Variants in GBF1 observed in about 807,000 individuals in gnomAD.
GBF1 encodes golgi brefeldin A resistant guanine nucleotide exchange factor 1.
GBF1 carries 114 observed loss-of-function variants against 210.5 expected under a neutral mutation model. The observed-to-expected ratio is 0.54, with a 90% CI of 0.47 to 0.63. The LOEUF is 0.63. GBF1 is among the 30% of genes least tolerant of loss of function. GBF1 has a pLI of 0.00. For synonymous variants in GBF1, 850 were observed against 889.2 expected, an observed-to-expected ratio of 0.96 and a Z score of 0.78; for missense variants, 1,851 against 2,357.7, an observed-to-expected ratio of 0.79 and a Z score of 4.45.
intron 1 of GBF1, among the ~76,000 whole-genome samples, chr10:102,253,038 G>C (rs972383574): frequency 6.6e-6 from 1 of 151,988 alleles, no homozygotes; most frequent in African/African-American, 2.4e-5. Context: ...GGGATTACAG[G>C]CCCCTGCCAT....
chr10:102,310,082 G>A (rs552004947), intron 3 of GBF1, among the ~76,000 whole-genome samples: 137 of 152,296 alleles, frequency 9.0e-4, no homozygotes, highest in Non-Finnish European at 1.1e-3. Flanking sequence ...GGATAGTTAC[G>A]GTATTTAGGT....
chr10:102,309,572 C>T (rs929535309), intron 3 of GBF1, among the ~76,000 whole-genome samples: 6 of 152,124 alleles, frequency 3.9e-5, no homozygotes, highest in Non-Finnish European at 2.9e-5. Flanking sequence ...TCACTGTTCT[C>T]ATTTGTAAGT....
Position 102,375,400 on chromosome 10 carries a change from T to A in GBF1, c.3702T>A (p.Ser1234Arg). Residue 1234 changes from serine to arginine, a missense_variant, in exon 30 of 40, where the codon AGT becomes AGA. Transcript: ENST00000369983. ...SLRILLLMKP[S>R]VLSRVSHQVA... Reference sequence around the variant, plus strand: ...GCATTTTGCTACTGATGAAGCCCAGTGTGCTATCCCGAGTCAGCCACCAGG... The same window carrying A: ...GCATTTTGCTACTGATGAAGCCCAGAGTGCTATCCCGAGTCAGCCACCAGG... 1 of 1,613,866 alleles carries A rather than the reference T, an allele frequency of 6.2e-7. No homozygotes were observed. Among genetic ancestry groups the A allele is most frequent in the South Asian group, 1.1e-5 (1 of 91,074 alleles).
chr10:102,248,055 C>T (rs912660078), intron 1 of GBF1, among the ~76,000 whole-genome samples: 62 of 152,282 alleles, frequency 4.1e-4, no homozygotes, highest in African/African-American at 1.3e-3. Flanking sequence ...TGAGGAGACT[C>T]TATTTATAGA....
In GBF1 at chr10:102,367,368, G is replaced by A. The variant is rs560426609; in HGVS notation, c.2560-110G>A. The A allele has an allele frequency of 3.5e-6, 4 of 1,136,520 alleles. No homozygotes were observed. In the South Asian group the frequency reaches 3.7e-5, roughly 11 times the overall value. 70.4% of individuals were successfully genotyped at this position (1,136,520 alleles called of 1,614,324 possible). ...GAAAAGGGACTGGGGTGGGGAAGTG[G>A]GTTTTTTCGCTTACCTTTTCCTAAG... On this transcript the variant is annotated intron_variant, in intron 20 of 39. Transcript: ENST00000369983.
At chr10:102,337,091 T>C (rs1222592784) in intron 3 of GBF1, among the ~76,000 whole-genome samples, 1 of 152,088 alleles carries the variant, frequency 6.6e-6, no homozygotes, top group Non-Finnish European at 1.5e-5. Context: ...ACTATGGGTC[T>C]GCACGGGCTG....
At chr10:102,318,597 T>A (rs967788768) in intron 3 of GBF1, among the ~76,000 whole-genome samples, 1 of 152,198 alleles carries the variant, frequency 6.6e-6, no homozygotes, top group African/African-American at 2.4e-5. Context: ...AATAAATTCC[T>A]TCTATTATTT....
At chr10:102,296,484 C>A (rs1388562736) in intron 3 of GBF1, among the ~76,000 whole-genome samples, 1 of 152,168 alleles carries the variant, frequency 6.6e-6, no homozygotes, top group Non-Finnish European at 1.5e-5. Flanking sequence ...GTGGCTCACG[C>A]CTGTAATCTC....
intron 30 of GBF1, 27 bp downstream of exon 30, chr10:102,375,611 G>A: frequency 1.1e-5 from 16 of 1,456,838 alleles, no homozygotes; most frequent in Non-Finnish European, 1.4e-5. Flanking sequence ...GGAGACTCAG[G>A]CTGGCAGATA....
chr10:102,264,557 C>T (rs1036488217), intron 3 of GBF1, among the ~76,000 whole-genome samples: 3 of 152,142 alleles, frequency 2.0e-5, no homozygotes, highest in Non-Finnish European at 1.5e-5. Flanking sequence ...CTTTCCCCTC[C>T]CCCCACGGAG....
At chr10:102,376,198 TGAGAGCC>T in intron 30 of GBF1, 67 bp from the exon 31 acceptor site, 2 of 1,199,110 alleles carry the variant, frequency 1.7e-6, no homozygotes, top group Admixed American at 3.9e-5. Flanking sequence ...ATCTTTTTTC[TGAGAGCC>T]TGATTTATCC....
chr10:102,320,807 A>G (rs1331898588), intron 3 of GBF1, among the ~76,000 whole-genome samples: 1 of 149,760 alleles, frequency 6.7e-6, no homozygotes. Flanking sequence ...TTTTTTTTTT[A>G]AATGGAGTCT....
rs376273035 is a variant in GBF1 at position 102,379,336 on chromosome 10, C to T, written c.4547C>T (p.Ser1516Leu). Reference sequence around the variant, plus strand: ...ACGCGGGCAGCCTCTATCTACAGCTCATGGGCGGAGGAGCAACGCCACCTG... The same window carrying T: ...ACGCGGGCAGCCTCTATCTACAGCTTATGGGCGGAGGAGCAACGCCACCTG... ...LHTRAASIYSSWAEEQRHLET... is the reference protein window; with the variant it reads ...LHTRAASIYSLWAEEQRHLET... Residue 1516 changes from serine to leucine, a missense_variant, in exon 34 of 40, where the codon TCA becomes TTA. By Grantham distance (145) the Ser-to-Leu change is moderately radical. Around this residue, in one of 3 missense-constraint regions of GBF1, gnomAD observed 967 missense variants for 1,247.7 expected, o/e 0.78. Transcript: ENST00000369983. The T allele has an allele frequency of 3.7e-6, 6 of 1,613,822 alleles. No individual in the cohort carries two copies. Among genetic ancestry groups the T allele is most frequent in the Non-Finnish European group, 5.1e-6 (6 of 1,179,922 alleles).
At chr10:102,239,041 G>T in the GBF1 span, among the ~76,000 whole-genome samples, 1 of 152,160 alleles carries the variant, frequency 6.6e-6, no homozygotes, top group Non-Finnish European at 1.5e-5. Flanking sequence ...AAGATTTGGG[G>T]AGCAAGCAAT....
At chr10:102,344,932 C>A (rs574550144) in intron 4 of GBF1, among the ~76,000 whole-genome samples, 1 of 152,224 alleles carries the variant, frequency 6.6e-6, no homozygotes, top group Non-Finnish European at 1.5e-5. Context: ...GTGTGAACAG[C>A]CTAGTTTGAA....
In GBF1 at chr10:102,382,162, C is replaced by T. The variant is rs141159596; in HGVS notation, c.5409C>T (p.Pro1803=). The change falls in exon 40 of 40, where the codon CCC becomes CCT. Residue 1803 remains proline (P), a synonymous_variant. Coordinates refer to ENST00000369983, the MANE Select transcript of GBF1 (RefSeq NM_001377137.1). Reference sequence around the variant, plus strand: ...GCCCCACCCCCGACGGGCCTCCACCCTTGGCTCAGCCCCCACTGATCCTGC... The same window carrying T: ...GCCCCACCCCCGACGGGCCTCCACCTTTGGCTCAGCCCCCACTGATCCTGC... ...RLSPTPDGPP[P]LAQPPLILQP... 7.4e-6 allele frequency: 12 copies of T among 1,613,500 alleles called. No individual in the cohort carries two copies. The highest frequency in any genetic ancestry group is 1.0e-5 in the Non-Finnish European group (12 of 1,179,638).
chr10:102,239,082 T>C, the GBF1 span, among the ~76,000 whole-genome samples: 2 of 152,212 alleles, frequency 1.3e-5, no homozygotes, highest in Non-Finnish European at 2.9e-5. Flanking sequence ...TTTATTATGC[T>C]GTAGATTTCC....
chr10:102,255,378 C>T (rs374877329), intron 1 of GBF1, among the ~76,000 whole-genome samples: 1 of 152,062 alleles, frequency 6.6e-6, no homozygotes, highest in South Asian at 2.1e-4. Flanking sequence ...TTTGCTTAGA[C>T]CTTTGCTGTC....
chr10:102,328,636 A>G (rs1368504818), intron 3 of GBF1, among the ~76,000 whole-genome samples: 1 of 152,214 alleles, frequency 6.6e-6, no homozygotes, highest in East Asian at 1.9e-4. Flanking sequence ...AAGGTCCTAT[A>G]CACTGAAGGG....
Sources: gnomAD v4.1 joint callset for allele counts (sites outside exome capture counted in the v4.1 genomes callset) on GRCh38, gnomAD v4.1.1 for gene constraint, gnomAD v4.1.1 regional missense constraint, MANE v1.5 for transcripts, NCBI Gene and HGNC (gene_info 2026-07-23, HGNC 2026-07-21) for gene names.